The following RAB22A variants were observed in gnomAD, a reference collection of about 807,000 sequenced individuals.
The protein encoded by RAB22A is RAB22A, member RAS oncogene family, also known as ras-related protein Rab-22A.
RAB22A carries 13 observed loss-of-function variants against 30.2 expected under a neutral mutation model. The observed-to-expected ratio is 0.43, with a 90% CI of 0.28 to 0.68. The LOEUF (loss-of-function observed/expected upper bound fraction) is 0.68. Among genes scored for constraint, RAB22A ranks in the 30% least tolerant of loss-of-function variants. The pLI is 0.18. For missense variants in RAB22A, 177 were observed against 246.8 expected (o/e 0.72, Z 1.89); for synonymous variants, 89 against 87.2 (o/e 1.02, Z -0.11).
intron 6 of RAB22A, among the ~76,000 whole-genome samples, chr20:58,358,909 AAAAG>A (rs1039133977): frequency 6.6e-6 from 1 of 152,060 alleles, no homozygotes; most frequent in African/African-American, 2.4e-5. Flanking sequence ...AAAAAAAAAA[AAAAG>A]GTGACGGCTC....
intron 2 of RAB22A, among the ~76,000 whole-genome samples, chr20:58,327,807 G>A (rs756328793): frequency 8.5e-5 from 13 of 152,120 alleles, no homozygotes; most frequent in African/African-American, 1.2e-4. Flanking sequence ...ATTGATAAAC[G>A]TTTGACAAAA....
intron 2 of RAB22A, among the ~76,000 whole-genome samples, chr20:58,316,072 CCTTT>C (rs1986331357): frequency 1.3e-5 from 2 of 152,140 alleles, no homozygotes; most frequent in African/African-American, 4.8e-5. Flanking sequence ...CTCTCAGGGC[CCTTT>C]CTTTTCCTTG....
chr20:58,358,402 C>A (rs1446016260), intron 6 of RAB22A, among the ~76,000 whole-genome samples: 1 of 152,138 alleles, frequency 6.6e-6, no homozygotes, highest in African/African-American at 2.4e-5. Flanking sequence ...CAGACAAATA[C>A]CCAGGAGTAG....
chr20:58,341,567 T>C (rs1252701414), intron 2 of RAB22A, among the ~76,000 whole-genome samples: 5 of 151,824 alleles, frequency 3.3e-5, no homozygotes, highest in Non-Finnish European at 1.5e-5. Context: ...AACTTCAGGG[T>C]AGACAGGAAG....
At chr20:58,355,687 T>C (rs905835454) in intron 6 of RAB22A, among the ~76,000 whole-genome samples, 4 of 152,082 alleles carry the variant, frequency 2.6e-5, no homozygotes, top group African/African-American at 9.7e-5. Context: ...ACTAGGGCAT[T>C]GTGGCATGCA....
intron 2 of RAB22A, among the ~76,000 whole-genome samples, chr20:58,331,294 A>G (rs938148092): frequency 3.4e-5 from 5 of 148,224 alleles, no homozygotes; most frequent in Non-Finnish European, 5.9e-5. Flanking sequence ...ATCACCACAC[A>G]GTGTTTTTTT....
chr20:58,354,976 A>G (rs539556157), intron 6 of RAB22A, among the ~76,000 whole-genome samples: 25 of 152,224 alleles, frequency 1.6e-4, no homozygotes, highest in Non-Finnish European at 3.7e-4. Context: ...TTTAGGATGA[A>G]ATGAAGGAAT....
chr20:58,326,433 A>C (rs1986569820), intron 2 of RAB22A, among the ~76,000 whole-genome samples: 1 of 152,100 alleles, frequency 6.6e-6, no homozygotes, highest in Non-Finnish European at 1.5e-5. Flanking sequence ...TTTCTTTTTC[A>C]TGAAATAATG....
At chr20:58,342,379 A>G (rs1986870031) in intron 2 of RAB22A, among the ~76,000 whole-genome samples, 1 of 152,200 alleles carries the variant, frequency 6.6e-6, no homozygotes, top group Non-Finnish European at 1.5e-5. Context: ...GCTACTTGCC[A>G]TGGCATAAAT....
At chr20:58,351,962 C>T (rs1987057572) in intron 3 of RAB22A, among the ~76,000 whole-genome samples, 7 of 151,980 alleles carry the variant, frequency 4.6e-5, no homozygotes, top group Admixed American at 3.3e-4. Context: ...AATATAAAAA[C>T]AAATAAAGAA....
chr20:58,311,340 A>C (rs1986222376), intron 2 of RAB22A, among the ~76,000 whole-genome samples: 1 of 152,220 alleles, frequency 6.6e-6, no homozygotes, highest in South Asian at 2.1e-4. Context: ...CAAAATGCAA[A>C]TATGAATTGG....
At chr20:58,321,755 T>C (rs1480522519) in intron 2 of RAB22A, among the ~76,000 whole-genome samples, 1 of 151,242 alleles carries the variant, frequency 6.6e-6, no homozygotes, top group Non-Finnish European at 1.5e-5. Flanking sequence ...TGTCATGTAT[T>C]ATATATATTA....
At chr20:58,334,697 G>C (rs1014011909) in intron 2 of RAB22A, among the ~76,000 whole-genome samples, 1 of 149,092 alleles carries the variant, frequency 6.7e-6, no homozygotes, top group South Asian at 2.1e-4. Flanking sequence ...TGAATATAAT[G>C]TCTGACAATT....
At chr20:58,344,721 A>G (rs776509175) in intron 3 of RAB22A, among the ~76,000 whole-genome samples, 1 of 152,248 alleles carries the variant, frequency 6.6e-6, no homozygotes, top group Non-Finnish European at 1.5e-5. Flanking sequence ...CTAAGACACC[A>G]TAGATAGTGT....
chr20:58,360,778 A>G lies in RAB22A; in HGVS notation c.*1075A>G, dbSNP rs773593150. ...TAAAGGTATAGAGCACTTAGCTTACAATCTTTAAAGGTTTCTCTGCCTTCC... is the reference window on the plus strand; with the variant it reads ...TAAAGGTATAGAGCACTTAGCTTACGATCTTTAAAGGTTTCTCTGCCTTCC... On this transcript the variant is annotated 3_prime_UTR_variant, in exon 7 of 7. Coordinates refer to ENST00000244040, the MANE Select transcript of RAB22A (RefSeq NM_020673.3). The G allele has an allele frequency of 5.2e-5, 8 of 152,726 alleles. No homozygotes were observed. Among genetic ancestry groups the G allele is most frequent in the Admixed American group, 3.3e-4 (5 of 15,294 alleles). 9.5% of individuals were successfully genotyped at this position (152,726 alleles called of 1,614,324 possible). A position where few individuals can be genotyped will look rare whatever the true frequency, so the allele number is the denominator to read the frequency against.
At position 58,337,154 on chromosome 20, in the gene RAB22A, A is replaced by C. The variant is rs1363522791; in HGVS notation, c.117-6564A>C. 3.9e-5 allele frequency among the ~76,000 whole-genome samples: 6 copies of C among 152,190 alleles called. No individual in the cohort carries two copies. The East Asian group carries it at 7.7e-4, about 20-fold the overall frequency. On this transcript the variant is annotated intron_variant, in intron 2 of 6. Transcript: ENST00000244040. ...CACACTTACTCTTTTATAGTTCTGG[A>C]GGTGAGAAGTCCAAAGTCAGTTCAC...
chr20:58,320,219 C>T (rs1240723702), intron 2 of RAB22A, among the ~76,000 whole-genome samples: 1 of 152,166 alleles, frequency 6.6e-6, no homozygotes, highest in Admixed American at 6.5e-5. Context: ...ACCATCTGAG[C>T]AGGGAGTTTT....
intron 2 of RAB22A, among the ~76,000 whole-genome samples, chr20:58,339,989 A>G (rs1302233015): frequency 6.6e-6 from 1 of 152,140 alleles, no homozygotes; most frequent in Non-Finnish European, 1.5e-5. Flanking sequence ...TGTTACCACT[A>G]CGGAAAAGAA....
At chr20:58,341,873 G>A (rs560375751) in intron 2 of RAB22A, among the ~76,000 whole-genome samples, 2 of 152,196 alleles carry the variant, frequency 1.3e-5, no homozygotes, top group South Asian at 4.1e-4. Flanking sequence ...TGGAAGTGTT[G>A]GATGTGTTGG....
Sources: gnomAD v4.1 joint callset for allele counts (sites outside exome capture counted in the v4.1 genomes callset) on GRCh38, gnomAD v4.1.1 for gene constraint, MANE v1.5 for transcripts, NCBI Gene and HGNC (gene_info 2026-07-23, HGNC 2026-07-21) for gene names.